The following KCNQ3 variants were observed in gnomAD, a reference collection of about 807,000 sequenced individuals.
KCNQ3 encodes the protein potassium voltage-gated channel subfamily Q member 3, also known as potassium voltage-gated channel subfamily KQT member 3.
A neutral mutation model predicts 92.5 loss-of-function variants in KCNQ3; 30 were observed. The ratio of observed to expected loss-of-function variants is 0.32; its 90% CI spans 0.24 to 0.44. KCNQ3 has a LOEUF of 0.44. Ranked by LOEUF, KCNQ3 falls within the 20% of genes least tolerant of loss-of-function variation. The pLI is 1.00. For missense variants in KCNQ3, 913 were observed against 1,140.3 expected (o/e 0.80, Z 2.87); for synonymous variants, 450 against 468.8 (o/e 0.96, Z 0.52).
At chr8:132,365,780 A>AG (rs1253837403) in intron 1 of KCNQ3, among the ~76,000 whole-genome samples, 90 of 152,356 alleles carry the variant, frequency 5.9e-4, no homozygotes, top group African/African-American at 2.1e-3. Context: ...CTGTAATCCT[A>AG]GCATTTTGGG....
At position 132,480,178 on chromosome 8, in the gene KCNQ3, G is replaced by A. The variant is rs1304097670; in HGVS notation, c.355C>T (p.Arg119Trp). The A allele has an allele frequency of 6.2e-7, 1 of 1,612,658 alleles. No individual in the cohort carries two copies. The highest frequency in any genetic ancestry group is 8.5e-7 in the Non-Finnish European group (1 of 1,179,212). ...GCGTGGTAAAGCAGCGCCCAGCCCC[G>A]CGGTCTCTCCAGGGCGTCGTAGATC... is the stretch of plus-strand genomic sequence containing the variant. The part of the protein sequence containing the change: ...TLIYDALERP[R>W]GWALLYHALV... Residue 119 changes from arginine (R) to tryptophan (W), a missense_variant, in exon 1 of 15, where the codon CGG (arginine) becomes TGG (tryptophan). This residue lies in a region of KCNQ3 where 100 missense variants were observed against 217.6 expected (regional missense o/e 0.46). Transcript: ENST00000388996.
At chr8:132,138,103 G>A in intron 11 of KCNQ3, 87 bp from the exon 12 acceptor site, 2 of 1,484,990 alleles carry the variant, frequency 1.3e-6, no homozygotes, top group Non-Finnish European at 1.9e-6. Context: ...CAGGGCAGGG[G>A]GAGAAAAGAA....
At chr8:132,356,200 C>T (rs939202085) in intron 1 of KCNQ3, among the ~76,000 whole-genome samples, 9 of 152,204 alleles carry the variant, frequency 5.9e-5, no homozygotes, top group African/African-American at 2.2e-4. Flanking sequence ...TAGCAGAAGA[C>T]ACACCACTGC....
At position 132,129,720 on chromosome 8, in the gene KCNQ3, G is replaced by A. The variant is rs1761342961; in HGVS notation, c.2161C>T (p.Pro721Ser). The A allele has an allele frequency of 6.2e-7, 1 of 1,614,078 alleles. No homozygotes were observed. Among genetic ancestry groups the A allele is most frequent in the African/African-American group, 1.3e-5 (1 of 74,930 alleles). ...GFFAHDPVNL[P>S]RGGPSSGKVQ... is the part of the protein sequence containing the mutation. ...TTTCCAGAACTGGGTCCCCCTCGGG[G>A]CAGGTTCACAGGGTCATGTGCAAAA... is the stretch of plus-strand genomic sequence containing the variant. The change falls in exon 15 of 15, where the codon CCC becomes TCC. Residue 721 changes from proline (P) to serine (S), a missense_variant. Around this residue, in one of 6 missense-constraint regions of KCNQ3, gnomAD observed 375 missense variants for 376.4 expected, o/e 1.00. Coordinates refer to ENST00000388996, the MANE Select transcript of KCNQ3 (RefSeq NM_004519.4). The surrounding 1 kb of genome is among the most constrained non-coding windows in gnomAD (Gnocchi z 5.9).
chr8:132,276,005 G>T (rs13270169), intron 1 of KCNQ3, among the ~76,000 whole-genome samples: 5,527 of 152,222 alleles, frequency 0.036, 156 homozygotes, highest in South Asian at 0.052. Context: ...CTTACTAGGG[G>T]TCGCTACACA....
intron 5 of KCNQ3, among the ~76,000 whole-genome samples, chr8:132,174,693 A>G (rs541140085): frequency 4.5e-4 from 68 of 152,220 alleles, no homozygotes; most frequent in Non-Finnish European, 1.0e-4. Flanking sequence ...ATTTGTATGT[A>G]TTGTGTATAT....
At chr8:132,405,638 G>A (rs1374528958) in intron 1 of KCNQ3, among the ~76,000 whole-genome samples, 1 of 152,148 alleles carries the variant, frequency 6.6e-6, no homozygotes, top group African/African-American at 2.4e-5. Flanking sequence ...CTGCCTTCCA[G>A]GAGTTTATAA....
rs912794329 is a variant in KCNQ3 at position 132,300,114 on chromosome 8, G to A, written c.387-113933C>T. Among the ~76,000 whole-genome samples the A allele has an allele frequency of 2.0e-5, 3 of 152,184 alleles. No individual in the cohort carries two copies. The South Asian group carries it at 6.2e-4, about 32-fold the overall frequency. ...ACATGCCTGCAACACAGCAAACACA[G>A]TCAATAAACTGAGGCCTACTGCAAT... On this transcript the variant is annotated intron_variant, in intron 1 of 14. Transcript: ENST00000388996.
intron 1 of KCNQ3, among the ~76,000 whole-genome samples, chr8:132,371,652 C>T (rs776721720): frequency 5.3e-5 from 8 of 152,186 alleles, no homozygotes; most frequent in Non-Finnish European, 8.8e-5. Context: ...GCAGGGAAGG[C>T]GATCCTTGTC....
intron 1 of KCNQ3, among the ~76,000 whole-genome samples, chr8:132,203,024 C>T (rs1827509451): frequency 6.6e-6 from 1 of 152,070 alleles, no homozygotes; most frequent in African/African-American, 2.4e-5. Context: ...AGTCCAATAC[C>T]AAGGTGCTGG....
chr8:132,300,944 AATTATT>A (rs1484821306), intron 1 of KCNQ3, among the ~76,000 whole-genome samples: 1 of 152,052 alleles, frequency 6.6e-6, no homozygotes, highest in Non-Finnish European at 1.5e-5. Flanking sequence ...AGATGGTGAT[AATTATT>A]ATTATTAACT....
chr8:132,144,522 A>G (rs372970969), intron 9 of KCNQ3, among the ~76,000 whole-genome samples: 1 of 152,222 alleles, frequency 6.6e-6, no homozygotes, highest in Non-Finnish European at 1.5e-5. Flanking sequence ...TTCGAAAGCT[A>G]GGGCTCTTGA....
chr8:132,148,914 G>A (rs970131161), intron 9 of KCNQ3, among the ~76,000 whole-genome samples: 1 of 152,174 alleles, frequency 6.6e-6, no homozygotes, highest in Non-Finnish European at 1.5e-5. Flanking sequence ...CAGATTGTGA[G>A]ATTTCTCAGC....
chr8:132,168,760 T>C (rs1826216247), intron 8 of KCNQ3, among the ~76,000 whole-genome samples: 1 of 141,154 alleles, frequency 7.1e-6, no homozygotes, highest in African/African-American at 2.5e-5. Flanking sequence ...TGTGTGTGTG[T>C]GTGTGTGTGT....
chr8:132,214,557 CT>C (rs1813965763), intron 1 of KCNQ3, among the ~76,000 whole-genome samples: 1 of 152,226 alleles, frequency 6.6e-6, no homozygotes, highest in South Asian at 2.1e-4. Context: ...CTCCCCTCCC[CT>C]CTCCCCTCCC....
chr8:132,479,949 A>AACACACAC (rs371967111), intron 1 of KCNQ3, among the ~76,000 whole-genome samples, 198 bp downstream of exon 1: 3,556 of 137,124 alleles, frequency 0.026, 60 homozygotes, highest in South Asian at 0.041. Flanking sequence ...GGAGAGCGGC[A>AACACACAC]ACACACACAC....
intron 1 of KCNQ3, among the ~76,000 whole-genome samples, chr8:132,221,936 A>C (rs1814252184): frequency 6.6e-6 from 1 of 152,210 alleles, no homozygotes; most frequent in African/African-American, 2.4e-5. Context: ...TAAAGACTTA[A>C]ATGTTAGACC....
intron 1 of KCNQ3, among the ~76,000 whole-genome samples, chr8:132,299,161 CAT>C (rs35617146): frequency 0.035 from 4,870 of 139,854 alleles, 218 homozygotes; most frequent in African/African-American, 0.1. Context: ...GCACATAGTA[CAT>C]ATATATATAT....
rs1184205318 is a variant in KCNQ3 at position 132,354,796 on chromosome 8, C to T, written c.386+125351G>A. ...TCTGGAGGCTGAATTCCTGGCCAGTCTCATTTCCTGTACTGCTGGGCTTGT... is the reference window on the plus strand; with the variant it reads ...TCTGGAGGCTGAATTCCTGGCCAGTTTCATTTCCTGTACTGCTGGGCTTGT... On this transcript the variant is annotated intron_variant, in intron 1 of 14. Coordinates refer to ENST00000388996, the MANE Select transcript of KCNQ3 (RefSeq NM_004519.4). Among the ~76,000 whole-genome samples the T allele has an allele frequency of 2.0e-5, 3 of 152,258 alleles. No homozygotes were observed. The East Asian group carries it at 5.8e-4, about 29-fold the overall frequency.
Sources: gnomAD v4.1 joint callset for allele counts (sites outside exome capture counted in the v4.1 genomes callset) on GRCh38, gnomAD v4.1.1 for gene constraint, gnomAD v4.1.1 regional missense constraint, Gnocchi (gnomAD v3.1) non-coding constraint, MANE v1.5 for transcripts, NCBI Gene and HGNC (gene_info 2026-07-23, HGNC 2026-07-21) for gene names.